Variants in CCT6B observed in about 807,000 individuals in gnomAD.
CCT6B encodes the protein probable T-complex protein 1 subunit zeta-2.
A neutral mutation model predicts 61.5 loss-of-function variants in CCT6B; 49 were observed. That is an observed-to-expected ratio of 0.80 (90% CI 0.63 to 1.01). The LOEUF (loss-of-function observed/expected upper bound fraction) is 1.01. Among genes scored for constraint, CCT6B ranks in the 50% least tolerant of loss-of-function variants. The pLI is 0.00. For synonymous variants in CCT6B, 228 were observed against 214.5 expected (o/e 1.06, Z -0.55); for missense variants, 666 against 634.7 (o/e 1.05, Z -0.53).
chr17:34,935,007 C>T (rs185822884), intron 10 of CCT6B, among the ~76,000 whole-genome samples: 18 of 152,202 alleles, frequency 1.2e-4, no homozygotes, highest in African/African-American at 3.9e-4. Context: ...AAGGTAAATG[C>T]AACACGTTTC....
chr17:34,951,490 T>A lies in CCT6B; in HGVS notation c.614+460A>T, dbSNP rs1166554045. ...TCTATAATACAAAGTTTTAAAAGAG[T>A]AAATCCAAAATCAACATGGTACTCC... On this transcript the variant is annotated intron_variant, in intron 5 of 13. Transcript: ENST00000314144. 2.6e-5 allele frequency among the ~76,000 whole-genome samples: 4 copies of A among 152,230 alleles called. No individual in the cohort carries two copies. In the East Asian group the frequency reaches 7.7e-4, roughly 29 times the overall value.
At chr17:34,957,214 G>A (rs532593210) in intron 3 of CCT6B, among the ~76,000 whole-genome samples, 7 of 139,206 alleles carry the variant, frequency 5.0e-5, no homozygotes, top group African/African-American at 1.9e-4. Flanking sequence ...GCACAATCTT[G>A]GCTCACTGCA....
At chr17:34,957,692 C>A (rs1228415876) in intron 3 of CCT6B, among the ~76,000 whole-genome samples, 2 of 152,130 alleles carry the variant, frequency 1.3e-5, no homozygotes, top group East Asian at 3.8e-4. Context: ...ATTCCCAATA[C>A]TAAACGAAAC....
In CCT6B at chr17:34,961,446, C is replaced by T. The variant is rs1414596447; in HGVS notation, c.-53G>A. The T allele has an allele frequency of 5.8e-6, 9 of 1,562,280 alleles. No individual in the cohort carries two copies. The highest frequency in any genetic ancestry group is 6.9e-6 in the Non-Finnish European group (8 of 1,158,114). On this transcript the variant is annotated 5_prime_UTR_variant, in exon 1 of 14. Coordinates refer to ENST00000314144, the MANE Select transcript of CCT6B (RefSeq NM_006584.4). ...AAAAAGCCTTAGTCGCGATTCTGAG[C>T]AAAAACGGCAATGCGACGCCACGCT...
intron 10 of CCT6B, among the ~76,000 whole-genome samples, chr17:34,935,364 A>G (rs1480885749): frequency 1.3e-5 from 2 of 152,208 alleles, no homozygotes; most frequent in East Asian, 1.9e-4. Flanking sequence ...TGCACTTACT[A>G]ACACTGAACT....
chr17:34,939,729 T>C lies in CCT6B; in HGVS notation c.969-16A>G, dbSNP rs1351378220. ...AAGAGAGAGTCTGAAATTACATATA[T>C]GTCACCATAGCTTGATTATGGAGAA... On this transcript the variant is annotated splice_polypyrimidine_tract_variant and intron_variant, in intron 8 of 13. Transcript: ENST00000314144. 6.1e-6 allele frequency: 9 copies of C among 1,486,872 alleles called. No individual in the cohort carries two copies. Among genetic ancestry groups the C allele is most frequent in the Non-Finnish European group, 7.5e-6 (8 of 1,064,302 alleles). The allele number at this position is 1,486,872 out of a possible 1,614,324, so 92.1% of individuals were successfully genotyped here.
chr17:34,942,444 A>C (rs371723568), intron 7 of CCT6B, 40 bp downstream of exon 7: 1 of 1,526,762 alleles, frequency 6.5e-7, no homozygotes, highest in African/African-American at 1.4e-5. Flanking sequence ...AATGCTTAAG[A>C]ACATTTACAA....
chr17:34,930,180 G>A (rs563783284), intron 12 of CCT6B, among the ~76,000 whole-genome samples: 1 of 152,314 alleles, frequency 6.6e-6, no homozygotes, highest in African/African-American at 2.4e-5. Context: ...GCTGAGGCAG[G>A]AGAATTGCTT....
chr17:34,939,104 C>T (rs113101843), intron 10 of CCT6B, 79 bp downstream of exon 10: 7 of 1,181,578 alleles, frequency 5.9e-6, no homozygotes, highest in Non-Finnish European at 7.3e-6. Context: ...TATATACATA[C>T]ATAGGTGTGT....
intron 10 of CCT6B, among the ~76,000 whole-genome samples, chr17:34,938,123 C>A (rs1310258425): frequency 6.6e-6 from 1 of 152,030 alleles, no homozygotes. Flanking sequence ...CTCCTGGGCT[C>A]AAGCAATCCT....
intron 12 of CCT6B, among the ~76,000 whole-genome samples, chr17:34,929,390 C>T (rs2090007999): frequency 6.6e-6 from 1 of 152,068 alleles, no homozygotes; most frequent in African/African-American, 2.4e-5. Flanking sequence ...TTTCTCTCTA[C>T]CCTTAATCCC....
At chr17:34,935,659 C>T (rs1247332705) in intron 10 of CCT6B, among the ~76,000 whole-genome samples, 1 of 151,986 alleles carries the variant, frequency 6.6e-6, no homozygotes, top group Non-Finnish European at 1.5e-5. Context: ...AGTTCGAGAC[C>T]AGCCAGGCCA....
intron 5 of CCT6B, chr17:34,943,990 T>C (rs2090195763): frequency 6.6e-6 from 1 of 152,090 alleles, no homozygotes; most frequent in African/African-American, 2.4e-5. Context: ...GAATTTCTAC[T>C]TATGAATCCT....
Position 34,961,265 on chromosome 17 carries a change from G to A in CCT6B, c.129C>T (p.Thr43=). The part of the protein sequence containing the change: ...VLRTNLGPKG[T]MKMLVSGAGD... Reference sequence around the variant, plus strand: ...TCCAACCGCTGTCTCACATTTTCATGGTGCCTTTAGGACCCAAGTTGGTCC... The same window carrying A: ...TCCAACCGCTGTCTCACATTTTCATAGTGCCTTTAGGACCCAAGTTGGTCC... The change falls in exon 1 of 14, where the codon ACC becomes ACT. Residue 43 remains threonine (T), a synonymous_variant. Coordinates refer to ENST00000314144, the MANE Select transcript of CCT6B (RefSeq NM_006584.4). The A allele has an allele frequency of 6.2e-7, 1 of 1,603,294 alleles. No individual in the cohort carries two copies. The highest frequency in any genetic ancestry group is 8.5e-7 in the Non-Finnish European group (1 of 1,174,748).
At chr17:34,928,921 T>C in intron 13 of CCT6B, 41 bp downstream of exon 13, 1 of 1,115,262 alleles carries the variant, frequency 9.0e-7, no homozygotes, top group Non-Finnish European at 1.3e-6. Flanking sequence ...TTATCAATTA[T>C]AACTCTACAG....
At chr17:34,939,822 G>C in intron 8 of CCT6B, 109 bp from the exon 9 acceptor site, 1 of 706,464 alleles carries the variant, frequency 1.4e-6, no homozygotes, top group Non-Finnish European at 2.5e-6. Context: ...GTATTGTATT[G>C]TTTTGGGTTT....
At chr17:34,948,404 A>G (rs1419654885) in intron 5 of CCT6B, among the ~76,000 whole-genome samples, 1 of 152,174 alleles carries the variant, frequency 6.6e-6, no homozygotes, top group African/African-American at 2.4e-5. Context: ...CAAAGATATG[A>G]CAGGCAAATA....
rs1391009644 is a variant in CCT6B, at chr17:34,958,712, C to A, written c.202-18G>T. On this transcript the variant is annotated intron_variant, in intron 2 of 13. Transcript: ENST00000314144. ...TGAATTTGCTGGAAAAAGCAAGCAA[C>A]AGATTTAAAAAGACAGGATGAGATA... 3 of 1,577,434 alleles carry A rather than the reference C, an allele frequency of 1.9e-6. No homozygotes were observed. The South Asian group carries it at 3.6e-5, about 19-fold the overall frequency.
In CCT6B at chr17:34,954,746, T is replaced by C. The variant is rs575270920; in HGVS notation, c.337-147A>G. The C allele has an allele frequency of 6.8e-5, 41 of 606,672 alleles. No homozygotes were observed. The East Asian group carries it at 1.3e-3, about 19-fold the overall frequency. The allele number at this position is 606,672 out of a possible 1,614,324, so 37.6% of individuals were successfully genotyped here. ...ACATAATTTATAAAAGTCATTTTAGTGCTTCATACTTGAAATAATCTCAAC... is the reference window on the plus strand; with the variant it reads ...ACATAATTTATAAAAGTCATTTTAGCGCTTCATACTTGAAATAATCTCAAC... On this transcript the variant is annotated intron_variant, in intron 3 of 13. Transcript: ENST00000314144.
Sources: gnomAD v4.1 joint callset for allele counts (sites outside exome capture counted in the v4.1 genomes callset) on GRCh38, gnomAD v4.1.1 for gene constraint, MANE v1.5 for transcripts, NCBI Gene and HGNC (gene_info 2026-07-23, HGNC 2026-07-21) for gene names.